Variants in LARGE1 observed in about 807,000 individuals in gnomAD.
LARGE1 encodes the protein xylosyl- and glucuronyltransferase LARGE1.
A neutral mutation model predicts 87.6 loss-of-function variants in LARGE1; 43 were observed. The ratio of observed to expected loss-of-function variants is 0.49; its 90% confidence interval spans 0.38 to 0.63. LARGE1 has a LOEUF of 0.63. LARGE1 is among the 30% of genes least tolerant of loss of function. The pLI, the probability that LARGE1 is intolerant of heterozygous loss-of-function variation, is 0.00. For synonymous variants in LARGE1, 434 were observed against 394.6 expected (o/e 1.10, Z -1.18); for missense variants, 802 against 1,000.2 (o/e 0.80, Z 2.67).
chr22:33,506,833 G>A (rs932382569), intron 6 of LARGE1, among the ~76,000 whole-genome samples: 2 of 152,106 alleles, frequency 1.3e-5, no homozygotes, highest in Non-Finnish European at 2.9e-5. Flanking sequence ...CCCAGGAGGC[G>A]GAGGTTGCAG....
chr22:33,403,549 G>T (rs2065994708), intron 7 of LARGE1, among the ~76,000 whole-genome samples: 1 of 152,094 alleles, frequency 6.6e-6, no homozygotes, highest in Non-Finnish European at 1.5e-5. Context: ...TGAGGCCTAG[G>T]TTAATTCTAG....
chr22:33,711,449 G>T (rs2082728898), intron 2 of LARGE1, among the ~76,000 whole-genome samples: 1 of 152,146 alleles, frequency 6.6e-6, no homozygotes, highest in Non-Finnish European at 1.5e-5. Context: ...TGGGTCTGAA[G>T]GATACCCTGG....
intron 6 of LARGE1, among the ~76,000 whole-genome samples, chr22:33,438,210 C>G (rs1055903936): frequency 6.6e-6 from 1 of 152,106 alleles, no homozygotes. Context: ...ACATCTTCAG[C>G]TTGCCATCGT....
chr22:33,242,812 G>C (rs2145691641), intron 11 of LARGE1, among the ~76,000 whole-genome samples: 1 of 152,272 alleles, frequency 6.6e-6, no homozygotes, highest in Non-Finnish European at 1.5e-5. Context: ...TGTCACATAG[G>C]TTTGGTTCCA....
chr22:33,552,472 A>T (rs1345397981), intron 6 of LARGE1, among the ~76,000 whole-genome samples: 4 of 151,804 alleles, frequency 2.6e-5, no homozygotes, highest in African/African-American at 4.8e-5. Context: ...CAAAAGAAAA[A>T]AAAATAGCAA....
chr22:33,687,874 C>T (rs1007449974), intron 2 of LARGE1, among the ~76,000 whole-genome samples: 1 of 152,152 alleles, frequency 6.6e-6, no homozygotes, highest in Non-Finnish European at 1.5e-5. Context: ...CTGACGGAGC[C>T]TCCACTCACC....
intron 1 of LARGE1, among the ~76,000 whole-genome samples, chr22:33,814,845 T>C (rs950787380): frequency 8.5e-5 from 13 of 152,196 alleles, no homozygotes; most frequent in African/African-American, 2.7e-4. Flanking sequence ...GGCTATTTGA[T>C]ACTCACAACA....
At chr22:33,701,164 C>T (rs1018837438) in intron 2 of LARGE1, among the ~76,000 whole-genome samples, 1 of 152,050 alleles carries the variant, frequency 6.6e-6, no homozygotes, top group Admixed American at 6.6e-5. Context: ...GCAGGTGCTA[C>T]AGGGAGAGTA....
At chr22:33,774,732 G>A (rs547534141) in intron 1 of LARGE1, among the ~76,000 whole-genome samples, 4 of 152,296 alleles carry the variant, frequency 2.6e-5, no homozygotes, top group Admixed American at 2.6e-4. Flanking sequence ...TCAATATAAA[G>A]CATTACTAAT....
At chr22:33,336,805 T>C (rs1938501034) in intron 10 of LARGE1, among the ~76,000 whole-genome samples, 2 of 152,080 alleles carry the variant, frequency 1.3e-5, no homozygotes, top group South Asian at 2.1e-4. Flanking sequence ...CTCACACCTG[T>C]AATTCCAGCA....
chr22:33,604,626 C>A (rs2079203861), intron 4 of LARGE1, 68 bp from the exon 5 acceptor site: 1 of 1,592,308 alleles, frequency 6.3e-7, no homozygotes, highest in Admixed American at 1.7e-5. Flanking sequence ...GCTGCAAAAA[C>A]ACACTCTTCA....
intron 6 of LARGE1, among the ~76,000 whole-genome samples, chr22:33,517,156 G>A (rs1031482592): frequency 2.0e-5 from 3 of 152,096 alleles, no homozygotes; most frequent in Admixed American, 6.5e-5. Context: ...CGTATTAACT[G>A]ATGATTCCAG....
chr22:33,779,074 C>T (rs976092338), intron 1 of LARGE1, among the ~76,000 whole-genome samples: 6 of 152,126 alleles, frequency 3.9e-5, no homozygotes, highest in African/African-American at 1.4e-4. Flanking sequence ...AATAGTTTTG[C>T]TACAAACATT....
the LARGE1 span, among the ~76,000 whole-genome samples, chr22:33,157,060 C>A: frequency 6.6e-6 from 1 of 152,166 alleles, no homozygotes; most frequent in Admixed American, 6.5e-5. Context: ...GTCCAATAAA[C>A]CTTTCTTTTG....
chr22:33,460,192 C>T (rs1006868560), intron 6 of LARGE1, among the ~76,000 whole-genome samples: 2 of 152,164 alleles, frequency 1.3e-5, no homozygotes, highest in East Asian at 1.9e-4. Context: ...TCGGTTGTGT[C>T]GGCCAAATTT....
chr22:33,751,956 A>T (rs1437072899), intron 2 of LARGE1, among the ~76,000 whole-genome samples: 1 of 151,998 alleles, frequency 6.6e-6, no homozygotes, highest in African/African-American at 2.4e-5. Context: ...GCTATTTTGT[A>T]TTTTTAGTAG....
Position 33,283,330 on chromosome 22 carries a change from G to A in LARGE1, c.1749C>T (p.Leu583=), listed in dbSNP as rs373233680. The A allele has an allele frequency of 3.1e-6, 5 of 1,614,042 alleles. No individual in the cohort carries two copies. The highest frequency in any genetic ancestry group is 1.7e-5 in the Admixed American group (1 of 59,992). The change falls in exon 13 of 15, where the codon CTC becomes CTT. Residue 583 remains leucine (L), a synonymous_variant. Transcript: ENST00000397394. ...YEYLRKSVIQ[L]DLANTKKAMI... The stretch of plus-strand genomic sequence containing the variant: ...TTGCTTTCTTGGTGTTGGCAAGATC[G>A]AGCTGGATGACAGACTTCCTGAAAA...
chr22:33,798,927 A>G (rs1235585246), intron 1 of LARGE1, among the ~76,000 whole-genome samples: 1 of 152,208 alleles, frequency 6.6e-6, no homozygotes. Context: ...AGGAACCTTA[A>G]AAGTCAGGCA....
chr22:33,305,350 GA>G (rs1213184209), intron 11 of LARGE1, among the ~76,000 whole-genome samples: 161 of 114,718 alleles, frequency 1.4e-3, no homozygotes, highest in African/African-American at 5.5e-3. Context: ...AGAGCCCAGG[GA>G]AAAAATTAAA....
Sources: allele counts gnomAD v4.1 joint callset (sites outside exome capture counted in the v4.1 genomes callset), GRCh38; gene constraint gnomAD v4.1.1; transcripts MANE v1.5; gene names NCBI Gene and HGNC (gene_info 2026-07-23, HGNC 2026-07-21).